The following NFIA variants were observed in gnomAD, a reference collection of about 807,000 sequenced individuals.
NFIA encodes nuclear factor 1 A-type.
A neutral mutation model predicts 62.8 loss-of-function variants in NFIA; 8 were observed. The observed-to-expected ratio is 0.13, with a 90% CI of 0.07 to 0.23. The LOEUF is 0.23. NFIA is among the 10% of genes least tolerant of loss of function. The pLI, the probability that NFIA is intolerant of heterozygous loss-of-function variation, is 1.00. For synonymous variants in NFIA, 235 were observed against 238.1 expected, an observed-to-expected ratio of 0.99 and a Z score of 0.12; for missense variants, 410 against 642.1, an observed-to-expected ratio of 0.64 and a Z score of 3.91.
intron 3 of NFIA, among the ~76,000 whole-genome samples, chr1:61,320,846 A>T (rs1553172542): frequency 6.6e-6 from 1 of 152,188 alleles, no homozygotes; most frequent in Non-Finnish European, 1.5e-5. Flanking sequence ...ATCCAGTTTC[A>T]TGTCTGTTTC....
intron 10 of NFIA, among the ~76,000 whole-genome samples, chr1:61,445,673 A>G (rs1042938050): frequency 2.0e-5 from 3 of 152,192 alleles, no homozygotes; most frequent in Non-Finnish European, 4.4e-5. Flanking sequence ...GCACAGGGAA[A>G]TTGTTTGGTA....
At chr1:61,078,343 G>C (rs1223942381), upstream of NFIA, among the ~76,000 whole-genome samples, 1 of 151,580 alleles carries the variant, frequency 6.6e-6, no homozygotes, top group Non-Finnish European at 1.5e-5. Flanking sequence ...GAAACATTCT[G>C]CTAGAGAAAT....
At chr1:61,252,693 T>A (rs1054008748) in intron 2 of NFIA, among the ~76,000 whole-genome samples, 2 of 152,208 alleles carry the variant, frequency 1.3e-5, no homozygotes, top group Non-Finnish European at 2.9e-5. Flanking sequence ...CTCCAATTAT[T>A]AACAGACATT....
intron 2 of NFIA, among the ~76,000 whole-genome samples, chr1:61,275,184 A>G (rs1286907242): frequency 1.3e-5 from 2 of 151,744 alleles, no homozygotes; most frequent in South Asian, 2.1e-4. Flanking sequence ...TTGCAGACCA[A>G]CTCTGAGCAT....
At chr1:61,090,112 C>T (rs943937569) in intron 2 of NFIA, among the ~76,000 whole-genome samples, 2 of 152,056 alleles carry the variant, frequency 1.3e-5, no homozygotes, top group African/African-American at 4.8e-5. Flanking sequence ...ATAAGTAGCC[C>T]TTTTTTAACC....
intron 2 of NFIA, among the ~76,000 whole-genome samples, chr1:61,114,198 C>T (rs554555936): frequency 3.9e-5 from 6 of 152,126 alleles, no homozygotes; most frequent in South Asian, 2.1e-4. Flanking sequence ...TAACATTATA[C>T]GATAAAACAC....
In NFIA at chr1:61,380,301, G is replaced by C. The variant is rs77275692; in HGVS notation, c.947-2936G>C. ...TAACATTTCATTTCCTCCAGAAAAA[G>C]AGTAGGATTACTTCATCCGTAGTCT... On this transcript the variant is annotated intron_variant, in intron 6 of 10. Coordinates refer to ENST00000403491, the MANE Select transcript of NFIA (RefSeq NM_001134673.4). Among the ~76,000 whole-genome samples the C allele has an allele frequency of 7.2e-3, 1,099 of 152,242 alleles. 9 individuals carry two copies. Among genetic ancestry groups the C allele is most frequent in the Middle Eastern group, 0.017 (5 of 294 alleles).
At position 61,088,131 on chromosome 1, in the gene NFIA, T is replaced by G; in HGVS notation, c.28-18T>G. 1 of 1,566,520 alleles carries G rather than the reference T, an allele frequency of 6.4e-7. No individual in the cohort carries two copies. Among genetic ancestry groups the G allele is most frequent in the East Asian group, 2.3e-5 (1 of 44,408 alleles). On this transcript the variant is annotated intron_variant, in intron 1 of 10. Coordinates refer to ENST00000403491, the MANE Select transcript of NFIA (RefSeq NM_001134673.4). The surrounding 1 kb of genome is among the most constrained non-coding windows in gnomAD (Gnocchi z 4.5). ...GTTTTCATTCTACTTATATTTTTCTTTTTGTTCATTTTCCTAGGATGAATT... is the reference window on the plus strand; with the variant it reads ...GTTTTCATTCTACTTATATTTTTCTGTTTGTTCATTTTCCTAGGATGAATT...
At chr1:61,258,142 T>C (rs1187317533) in intron 2 of NFIA, among the ~76,000 whole-genome samples, 2 of 152,210 alleles carry the variant, frequency 1.3e-5, no homozygotes, top group African/African-American at 4.8e-5. Flanking sequence ...TAGCATCTAA[T>C]AAAATGTAGA....
At chr1:61,261,407 C>T (rs965854696) in intron 2 of NFIA, among the ~76,000 whole-genome samples, 1 of 152,202 alleles carries the variant, frequency 6.6e-6, no homozygotes, top group Non-Finnish European at 1.5e-5. Flanking sequence ...ATATTTAACA[C>T]TTTAATATAA....
intron 2 of NFIA, among the ~76,000 whole-genome samples, chr1:61,167,090 G>A (rs1348240869): frequency 6.6e-6 from 1 of 152,168 alleles, no homozygotes; most frequent in African/African-American, 2.4e-5. Context: ...GCAGTGAGCT[G>A]AGATCATGCC....
intron 2 of NFIA, among the ~76,000 whole-genome samples, chr1:61,261,345 C>G (rs779444873): frequency 1.3e-5 from 2 of 152,106 alleles, no homozygotes; most frequent in Non-Finnish European, 2.9e-5. Context: ...CTTTGATTAC[C>G]CATACAATAC....
intron 2 of NFIA, among the ~76,000 whole-genome samples, chr1:61,206,768 C>T (rs1232729393): frequency 2.0e-5 from 3 of 152,118 alleles, no homozygotes; most frequent in Admixed American, 6.5e-5. Context: ...TGTTCTTTTC[C>T]TCTTTTTCTT....
chr1:61,432,847 A>G (rs1667165268), intron 10 of NFIA, among the ~76,000 whole-genome samples: 1 of 152,064 alleles, frequency 6.6e-6, no homozygotes, highest in Non-Finnish European at 1.5e-5. Context: ...CTTATTGGCC[A>G]AATGAATATT....
intron 8 of NFIA, among the ~76,000 whole-genome samples, 156 bp downstream of exon 8, chr1:61,404,438 C>T (rs1466783907): frequency 6.6e-6 from 1 of 152,136 alleles, no homozygotes; most frequent in Non-Finnish European, 1.5e-5. Flanking sequence ...GGAAAGTTAA[C>T]TTGGTCTAAG....
chr1:61,179,733 G>A (rs1198855309), intron 2 of NFIA, among the ~76,000 whole-genome samples: 2 of 152,146 alleles, frequency 1.3e-5, no homozygotes, highest in Admixed American at 6.6e-5. Context: ...CTCTCATCTG[G>A]TTTCTGGCCT....
At chr1:61,081,523 A>G (rs1046948098), upstream of NFIA, among the ~76,000 whole-genome samples, 1 of 152,144 alleles carries the variant, frequency 6.6e-6, no homozygotes, top group Non-Finnish European at 1.5e-5. Flanking sequence ...TCCCTTCCCT[A>G]AGGGGACATC....
At chr1:61,300,645 A>G (rs939756363) in intron 3 of NFIA, among the ~76,000 whole-genome samples, 3 of 148,392 alleles carry the variant, frequency 2.0e-5, no homozygotes, top group African/African-American at 7.3e-5. Context: ...ACATATACAC[A>G]TATATATATG....
chr1:61,386,427 G>C (rs1664690671), intron 7 of NFIA, among the ~76,000 whole-genome samples: 1 of 152,224 alleles, frequency 6.6e-6, no homozygotes, highest in South Asian at 2.1e-4. Context: ...CCCAGGGCAT[G>C]GGGCAGGGAT....
Sources: gnomAD v4.1 joint callset for allele counts (sites outside exome capture counted in the v4.1 genomes callset) on GRCh38, gnomAD v4.1.1 for gene constraint, Gnocchi (gnomAD v3.1) non-coding constraint, MANE v1.5 for transcripts, NCBI Gene and HGNC (gene_info 2026-07-23, HGNC 2026-07-21) for gene names.